LCP1: variants seen among roughly 807,000 people sequenced by gnomAD.
LCP1 encodes the protein plastin-2.
In LCP1, 23 loss-of-function variants were observed where a neutral mutation model predicts 72.0. The observed-to-expected ratio is 0.32, with a 90% CI of 0.23 to 0.45. LCP1 has a LOEUF of 0.45. LCP1 is among the 20% of genes least tolerant of loss of function. The pLI, the probability that LCP1 is intolerant of heterozygous loss-of-function variation, is 1.00. For synonymous variants in LCP1, 245 were observed against 275.4 expected (o/e 0.89, Z 1.09); for missense variants, 571 against 748.3 (o/e 0.76, Z 2.76).
chr13:46,148,910 AAGAC>A (rs1256528936), intron 8 of LCP1: 2 of 291,612 alleles, frequency 6.9e-6, no homozygotes, highest in Non-Finnish European at 1.0e-5. Context: ...AAAGATGTCA[AAGAC>A]AGAAGATTGA....
intron 1 of LCP1, among the ~76,000 whole-genome samples, chr13:46,179,592 AG>A (rs1481074090): frequency 6.6e-6 from 1 of 152,224 alleles, no homozygotes; most frequent in African/African-American, 2.4e-5. Flanking sequence ...GGCCTCCAAA[AG>A]GGTATGTTTC....
At chr13:46,160,519 T>C (rs2138264986) in intron 1 of LCP1, among the ~76,000 whole-genome samples, 1 of 152,310 alleles carries the variant, frequency 6.6e-6, no homozygotes, top group African/African-American at 2.4e-5. Flanking sequence ...CTCCATATTA[T>C]TTAGGGATGA....
intron 13 of LCP1, among the ~76,000 whole-genome samples, chr13:46,140,177 C>T (rs1256712618): frequency 1.3e-5 from 2 of 152,158 alleles, no homozygotes; most frequent in Non-Finnish European, 2.9e-5. Context: ...GTGGTGAGAA[C>T]TGTATAGAGA....
At chr13:46,159,444 T>G in intron 2 of LCP1, 155 bp downstream of exon 2, 1 of 613,844 alleles carries the variant, frequency 1.6e-6, no homozygotes, top group Non-Finnish European at 2.9e-6. Context: ...TGAAGCATAT[T>G]TTTCAAAAAT....
chr13:46,135,050 A>C (rs1262190935), intron 13 of LCP1, among the ~76,000 whole-genome samples: 2 of 144,420 alleles, frequency 1.4e-5, no homozygotes, highest in African/African-American at 2.5e-5. Context: ...CAGAGGTTGC[A>C]GTGAGCTGAG....
At chr13:46,163,091 G>T (rs1376949071) in intron 1 of LCP1, among the ~76,000 whole-genome samples, 1 of 152,004 alleles carries the variant, frequency 6.6e-6, no homozygotes, top group Non-Finnish European at 1.5e-5. Flanking sequence ...CCCCTTCTGA[G>T]AAGTGAGGAG....
intron 1 of LCP1, among the ~76,000 whole-genome samples, chr13:46,165,735 G>A (rs1307336697): frequency 2.6e-5 from 4 of 152,064 alleles, no homozygotes; most frequent in Non-Finnish European, 4.4e-5. Flanking sequence ...CTGCAAATCC[G>A]TGGTCAATCT....
chr13:46,146,633 A>G (rs1046318193), intron 10 of LCP1, among the ~76,000 whole-genome samples: 1 of 152,240 alleles, frequency 6.6e-6, no homozygotes, highest in African/African-American at 2.4e-5. Context: ...GATTTATTTC[A>G]TCTAATAACT....
chr13:46,167,935 T>A (rs1451838811), intron 1 of LCP1, among the ~76,000 whole-genome samples: 1 of 151,796 alleles, frequency 6.6e-6, no homozygotes, highest in Non-Finnish European at 1.5e-5. Context: ...AACGAACAAG[T>A]GAAAAGGTTA....
intron 13 of LCP1, 128 bp from the exon 14 acceptor site, chr13:46,134,378 G>A: frequency 1.4e-6 from 1 of 740,440 alleles, no homozygotes; most frequent in Non-Finnish European, 2.2e-6. Flanking sequence ...CATTACATTT[G>A]AGAGAAAAAA....
chr13:46,136,900 G>A (rs999853700), intron 13 of LCP1, among the ~76,000 whole-genome samples: 8 of 152,146 alleles, frequency 5.3e-5, no homozygotes, highest in Non-Finnish European at 8.8e-5. Flanking sequence ...GCAGCCCGGC[G>A]TTGTCCACAT....
chr13:46,143,168 A>G, intron 12 of LCP1, 122 bp downstream of exon 12: 1 of 633,346 alleles, frequency 1.6e-6, no homozygotes, highest in South Asian at 2.0e-5. Context: ...TTGCTGTACT[A>G]GAATTTAATT....
In LCP1 at chr13:46,148,349, T is replaced by C. The variant is rs761624825; in HGVS notation, c.978+3A>G. 1.9e-6 allele frequency: 3 copies of C among 1,609,078 alleles called. No individual in the cohort carries two copies. The Admixed American group carries it at 5.0e-5, about 27-fold the overall frequency. ...TCCAAACACAACTGGGACCTGGCCT[T>C]ACCCGCAGTCCTGACATGTCAATAA... On this transcript the variant is annotated splice_donor_region_variant and intron_variant, in intron 9 of 15. Coordinates refer to ENST00000323076, the MANE Select transcript of LCP1 (RefSeq NM_002298.5).
chr13:46,176,478 C>T (rs990599595), intron 1 of LCP1, among the ~76,000 whole-genome samples: 1 of 152,168 alleles, frequency 6.6e-6, no homozygotes, highest in African/African-American at 2.4e-5. Context: ...AGATCCACTT[C>T]TAATTTTAAA....
At chr13:46,167,257 A>C (rs2045881577) in intron 1 of LCP1, among the ~76,000 whole-genome samples, 1 of 152,164 alleles carries the variant, frequency 6.6e-6, no homozygotes. Flanking sequence ...AAACTTCATC[A>C]ACCTCATATT....
At chr13:46,175,068 G>A (rs769947870) in intron 1 of LCP1, among the ~76,000 whole-genome samples, 9 of 152,126 alleles carry the variant, frequency 5.9e-5, no homozygotes, top group Non-Finnish European at 1.3e-4. Context: ...CTGGTTCTGT[G>A]ACCCCAGACA....
intron 1 of LCP1, among the ~76,000 whole-genome samples, chr13:46,175,051 C>T (rs1185459316): frequency 6.6e-6 from 1 of 152,040 alleles, no homozygotes. Flanking sequence ...CTTGACTCTG[C>T]CAGTTACTGG....
intron 5 of LCP1, among the ~76,000 whole-genome samples, chr13:46,155,478 T>TA (rs367686496): frequency 6.6e-6 from 1 of 152,214 alleles, no homozygotes; most frequent in Non-Finnish European, 1.5e-5. Flanking sequence ...TTGATTTTTT[T>TA]ATAGCAATTG....
At chr13:46,141,405 C>CAAAAAAAAAAAAAA (rs762462829) in intron 13 of LCP1, among the ~76,000 whole-genome samples, 3 of 52,322 alleles carry the variant, frequency 5.7e-5, no homozygotes, top group East Asian at 7.2e-4. Context: ...GACTCTGTCT[C>CAAAAAAAAAAAAAA]AAAAAAAAAA....
Sources: allele counts gnomAD v4.1 joint callset (sites outside exome capture counted in the v4.1 genomes callset), GRCh38; gene constraint gnomAD v4.1.1; transcripts MANE v1.5; gene names NCBI Gene and HGNC (gene_info 2026-07-23, HGNC 2026-07-21).